KCTD16: variants seen among roughly 807,000 people sequenced by gnomAD.
KCTD16 encodes potassium channel tetramerization domain containing 16.
In KCTD16, 13 loss-of-function variants were observed where a neutral mutation model predicts 33.2. The observed-to-expected ratio is 0.39, with a 90% CI of 0.25 to 0.62. KCTD16 has a LOEUF of 0.62. KCTD16 is among the 20% of genes least tolerant of loss of function. The pLI is 0.50. For missense variants in KCTD16, 441 were observed against 525.1 expected, an observed-to-expected ratio of 0.84 and a Z score of 1.57; for synonymous variants, 197 against 195.3, an observed-to-expected ratio of 1.01 and a Z score of -0.07.
chr5:144,462,622 A>T (rs913204865), intron 3 of KCTD16, among the ~76,000 whole-genome samples: 1 of 152,062 alleles, frequency 6.6e-6, no homozygotes, highest in Non-Finnish European at 1.5e-5. Flanking sequence ...AATGTTAGCA[A>T]ATAAGAGTAT....
intron 3 of KCTD16, among the ~76,000 whole-genome samples, chr5:144,345,491 A>T (rs944126642): frequency 1.3e-5 from 2 of 152,072 alleles, no homozygotes; most frequent in Admixed American, 6.6e-5. Flanking sequence ...TCTCAACCAC[A>T]TTATTTATCT....
intron 3 of KCTD16, among the ~76,000 whole-genome samples, chr5:144,398,626 TAAAAA>T (rs1752631778): frequency 6.6e-6 from 1 of 152,068 alleles, no homozygotes; most frequent in Non-Finnish European, 1.5e-5. Flanking sequence ...TGGCTACATA[TAAAAA>T]TGCTTCCTTC....
intron 3 of KCTD16, among the ~76,000 whole-genome samples, chr5:144,349,046 A>G (rs189595945): frequency 6.6e-6 from 1 of 152,336 alleles, no homozygotes; most frequent in East Asian, 1.9e-4. Context: ...TCTTGTCCAC[A>G]TCGGGAGCCT....
intron 3 of KCTD16, among the ~76,000 whole-genome samples, chr5:144,410,212 TGTCTGGTTCTCTG>T (rs1195287785): frequency 1.3e-5 from 2 of 152,152 alleles, no homozygotes; most frequent in East Asian, 3.9e-4. Context: ...TGTCCTAGCT[TGTCTGGTTCTCTG>T]GTCCTGAAGC....
At chr5:144,188,319 C>T (rs1049753243) in intron 2 of KCTD16, among the ~76,000 whole-genome samples, 9 of 152,158 alleles carry the variant, frequency 5.9e-5, no homozygotes, top group South Asian at 4.2e-4. Context: ...TCATTAAGGC[C>T]GCATTCTCAT....
rs76395709 is a variant in KCTD16, at chr5:144,287,079, G to C, written c.832+79533G>C. Among the ~76,000 whole-genome samples the C allele has an allele frequency of 1.4e-3, 210 of 152,262 alleles. 4 individuals are homozygous for C. In the East Asian group the frequency reaches 0.038, roughly 28 times the overall value. ...TGTGAGAGAAAATGGGGAGGAGCTGGGAGTGGCTGGAAGGTCCGTCTGGCC... is the reference window on the plus strand; with the variant it reads ...TGTGAGAGAAAATGGGGAGGAGCTGCGAGTGGCTGGAAGGTCCGTCTGGCC... On this transcript the variant is annotated intron_variant, in intron 3 of 3. Transcript: ENST00000512467.
chr5:144,388,326 C>T (rs1436616298), intron 3 of KCTD16, among the ~76,000 whole-genome samples: 2 of 151,984 alleles, frequency 1.3e-5, no homozygotes, highest in African/African-American at 4.8e-5. Context: ...CGTGATCCGC[C>T]CACCTCGGCC....
At chr5:144,193,056 A>G (rs1752874190) in intron 2 of KCTD16, among the ~76,000 whole-genome samples, 1 of 152,194 alleles carries the variant, frequency 6.6e-6, no homozygotes, top group Admixed American at 6.5e-5. Context: ...AATCCTTGCT[A>G]GCTTTTCCTC....
intron 3 of KCTD16, among the ~76,000 whole-genome samples, chr5:144,441,053 A>G (rs73299619): frequency 0.05 from 7,613 of 151,992 alleles, 650 homozygotes; most frequent in African/African-American, 0.17. Flanking sequence ...TGATGTGTTT[A>G]TTGACTATCT....
intron 3 of KCTD16, among the ~76,000 whole-genome samples, chr5:144,361,399 C>A (rs1751709840): frequency 6.6e-6 from 1 of 152,008 alleles, no homozygotes; most frequent in African/African-American, 2.4e-5. Context: ...ACAAAAAGAC[C>A]ATCTGTCTTA....
intron 3 of KCTD16, among the ~76,000 whole-genome samples, chr5:144,232,988 A>G (rs746394489): frequency 5.9e-5 from 9 of 152,114 alleles, no homozygotes; most frequent in African/African-American, 1.9e-4. Flanking sequence ...AACGAGTCTC[A>G]TGTTGCTCGT....
chr5:144,277,941 G>T (rs1445934271), intron 3 of KCTD16, among the ~76,000 whole-genome samples: 1 of 152,070 alleles, frequency 6.6e-6, no homozygotes, highest in Non-Finnish European at 1.5e-5. Context: ...ACTTTGTTGG[G>T]TATGTTATTT....
At chr5:144,401,177 A>G (rs560751574) in intron 3 of KCTD16, among the ~76,000 whole-genome samples, 85 of 152,336 alleles carry the variant, frequency 5.6e-4, no homozygotes, top group Non-Finnish European at 1.2e-3. Context: ...TCACATTCAC[A>G]TTCCTGCCAA....
intron 3 of KCTD16, among the ~76,000 whole-genome samples, chr5:144,449,146 C>T (rs959707910): frequency 6.6e-6 from 1 of 151,910 alleles, no homozygotes; most frequent in African/African-American, 2.4e-5. Flanking sequence ...AGAGAGTACT[C>T]CTCTAAGAGA....
At chr5:144,339,299 G>A (rs968077111) in intron 3 of KCTD16, among the ~76,000 whole-genome samples, 1 of 152,158 alleles carries the variant, frequency 6.6e-6, no homozygotes, top group Non-Finnish European at 1.5e-5. Flanking sequence ...TTTGAACACA[G>A]GATTGCCTGT....
chr5:144,336,258 T>G (rs1252937974), intron 3 of KCTD16, among the ~76,000 whole-genome samples: 1 of 152,316 alleles, frequency 6.6e-6, no homozygotes, highest in Non-Finnish European at 1.5e-5. Context: ...GCTTCTGACC[T>G]TACTCCCTGG....
chr5:144,316,441 A>T (rs1224626994), intron 3 of KCTD16, among the ~76,000 whole-genome samples: 1 of 151,380 alleles, frequency 6.6e-6, no homozygotes, highest in Non-Finnish European at 1.5e-5. Context: ...GGTATCTAAG[A>T]GCATGTATTA....
intron 3 of KCTD16, among the ~76,000 whole-genome samples, chr5:144,223,770 G>A (rs1753838489): frequency 6.6e-6 from 1 of 152,066 alleles, no homozygotes; most frequent in African/African-American, 2.4e-5. Flanking sequence ...CTGACTTCGA[G>A]TTGCTAGGCT....
intron 2 of KCTD16, among the ~76,000 whole-genome samples, chr5:144,196,095 T>C (rs1188853222): frequency 6.6e-6 from 1 of 152,160 alleles, no homozygotes; most frequent in Non-Finnish European, 1.5e-5. Context: ...AATATTTGAG[T>C]AAATGAATGA....
Sources: gnomAD v4.1 joint callset for allele counts (sites outside exome capture counted in the v4.1 genomes callset) on GRCh38, gnomAD v4.1.1 for gene constraint, MANE v1.5 for transcripts, NCBI Gene and HGNC (gene_info 2026-07-23, HGNC 2026-07-21) for gene names.